MFSD11: variants seen among roughly 807,000 people sequenced by gnomAD.
The protein encoded by MFSD11 is major facilitator superfamily domain containing 11, also known as UNC93-like protein MFSD11.
Under a neutral mutation model 53.5 loss-of-function variants are expected in MFSD11, and 36 were observed. The ratio of observed to expected loss-of-function variants is 0.67; its 90% CI spans 0.52 to 0.89. MFSD11 has a LOEUF of 0.89. MFSD11 is among the 40% of genes least tolerant of loss of function. The pLI is 0.00. For synonymous variants in MFSD11, 186 were observed against 184.9 expected (o/e 1.01, Z -0.05); for missense variants, 530 against 543.9 (o/e 0.97, Z 0.25).
chr17:76,743,398 C>T lies in MFSD11; in HGVS notation c.438C>T (p.Ser146=). 1 of 1,578,418 alleles carries T rather than the reference C, an allele frequency of 6.3e-7. No individual in the cohort carries two copies. Among genetic ancestry groups the T allele is most frequent in the Non-Finnish European group, 8.6e-7 (1 of 1,163,082 alleles). ...CCTATCCTCCCTTTTCTTCCCCCAG[C>T]TTGTTCTTTGGAAATCTCTACATAT... is the stretch of plus-strand genomic sequence containing the variant. ...SGIFWALLQS[S]LFFGNLYIYF... Residue 146 remains serine, a splice_region_variant and synonymous_variant, in exon 6 of 13, where the codon AGC becomes AGT. Coordinates refer to ENST00000685175, the MANE Select transcript of MFSD11 (RefSeq NM_001242532.5).
the MFSD11 span, among the ~76,000 whole-genome samples, chr17:76,801,364 C>A: frequency 6.9e-5 from 5 of 72,240 alleles, no homozygotes; most frequent in East Asian, 1.4e-3. Context: ...GGCTCTGTCT[C>A]AAAAAAAAAA....
the MFSD11 span, among the ~76,000 whole-genome samples, chr17:76,794,249 T>G: frequency 6.6e-6 from 1 of 151,240 alleles, no homozygotes; most frequent in Non-Finnish European, 1.5e-5. Flanking sequence ...TTTGGGAGGC[T>G]GAGGTGGGTG....
intron 7 of MFSD11, among the ~76,000 whole-genome samples, chr17:76,745,626 A>G (rs1479497286): frequency 2.0e-5 from 3 of 152,158 alleles, no homozygotes; most frequent in East Asian, 1.9e-4. Context: ...AGATCCATAT[A>G]AGGTGGTGAA....
chr17:76,763,813 G>A (rs1039969203), intron 8 of MFSD11, among the ~76,000 whole-genome samples: 5 of 150,120 alleles, frequency 3.3e-5, no homozygotes, highest in East Asian at 3.9e-4. Context: ...CAACTTTATC[G>A]AGGTATAACT....
chr17:76,739,346 A>G (rs888644873), intron 2 of MFSD11, among the ~76,000 whole-genome samples: 11 of 152,342 alleles, frequency 7.2e-5, no homozygotes, highest in Admixed American at 7.2e-4. Context: ...TCCCAGTCCT[A>G]TAGAAGATGT....
intron 2 of MFSD11, among the ~76,000 whole-genome samples, chr17:76,740,324 C>G (rs903415392): frequency 6.6e-6 from 1 of 151,998 alleles, no homozygotes; most frequent in African/African-American, 2.4e-5. Context: ...ACACTTCGTA[C>G]AAGACATATG....
At chr17:76,741,172 G>C (rs2078051079) in intron 3 of MFSD11, 108 bp downstream of exon 3, 4 of 774,874 alleles carry the variant, frequency 5.2e-6, no homozygotes, top group Non-Finnish European at 8.7e-6. Context: ...TAGAATATAG[G>C]TGGTATTTTA....
At chr17:76,742,643 C>T (rs1388498585) in intron 5 of MFSD11, among the ~76,000 whole-genome samples, 1 of 152,062 alleles carries the variant, frequency 6.6e-6, no homozygotes, top group Non-Finnish European at 1.5e-5. Context: ...GCTGGGATTA[C>T]AGGCGCCCAC....
At chr17:76,754,430 C>G (rs576347309) in intron 8 of MFSD11, among the ~76,000 whole-genome samples, 1 of 152,254 alleles carries the variant, frequency 6.6e-6, no homozygotes, top group East Asian at 1.9e-4. Flanking sequence ...CGCCTGTAAT[C>G]TCAGCACTTT....
At chr17:76,750,218 C>T (rs1363999391) in intron 7 of MFSD11, among the ~76,000 whole-genome samples, 1 of 152,116 alleles carries the variant, frequency 6.6e-6, no homozygotes, top group African/African-American at 2.4e-5. Context: ...TGGAATCCTA[C>T]ATGGGATCCT....
Position 76,743,429 on chromosome 17 carries a change from G to A in MFSD11, c.469G>A (p.Ala157Thr), listed in dbSNP as rs762174347. The A allele has an allele frequency of 2.5e-6, 4 of 1,581,322 alleles. No homozygotes were observed. Among genetic ancestry groups the A allele is most frequent in the Middle Eastern group, 1.7e-4 (1 of 5,988 alleles). ...LFFGNLYIYF[A>T]WQGKTQISES... The stretch of plus-strand genomic sequence containing the variant: ...CTTTGGAAATCTCTACATATATTTT[G>A]CCTGGCAAGGGAAAACTCAGATATC... Residue 157 changes from alanine (A) to threonine (T), a missense_variant, in exon 6 of 13, where the codon GCC becomes ACC. Physicochemically the swap from Ala to Thr is moderately conservative, Grantham distance 58. Coordinates refer to ENST00000685175, the MANE Select transcript of MFSD11 (RefSeq NM_001242532.5).
intron 7 of MFSD11, among the ~76,000 whole-genome samples, chr17:76,752,657 A>G (rs1196575047): frequency 3.9e-5 from 6 of 152,158 alleles, no homozygotes; most frequent in African/African-American, 9.7e-5. Flanking sequence ...TGGCCTCCCA[A>G]AGTGCTGGGG....
At chr17:76,792,611 T>C in the MFSD11 span, among the ~76,000 whole-genome samples, 1 of 151,402 alleles carries the variant, frequency 6.6e-6, no homozygotes, top group Admixed American at 6.6e-5. Context: ...CCTAAATTTG[T>C]CCATGTCCTG....
chr17:76,782,257 C>A (rs1347169307), downstream of MFSD11, among the ~76,000 whole-genome samples: 1 of 151,858 alleles, frequency 6.6e-6, no homozygotes, highest in Non-Finnish European at 1.5e-5. Flanking sequence ...CTCACTGCAA[C>A]CTCTGCCTCC....
intron 8 of MFSD11, among the ~76,000 whole-genome samples, chr17:76,760,929 G>T (rs1003834925): frequency 2.0e-5 from 3 of 152,160 alleles, no homozygotes; most frequent in Non-Finnish European, 4.4e-5. Flanking sequence ...TTGCTGGCCG[G>T]GCGCAGTGGC....
the MFSD11 span, among the ~76,000 whole-genome samples, chr17:76,794,338 G>C: frequency 1.3e-5 from 2 of 150,646 alleles, no homozygotes; most frequent in African/African-American, 5.0e-5. Flanking sequence ...TTAGCCGGGC[G>C]TGGTGGAGCG....
At chr17:76,736,876 G>A (rs1568026625), upstream of MFSD11, 2 of 1,611,202 alleles carry the variant, frequency 1.2e-6, no homozygotes, top group Non-Finnish European at 8.5e-7. Context: ...GTGAGTCCGG[G>A]GGGCGGCCGT....
chr17:76,766,864 A>C (rs1418127787), intron 8 of MFSD11: 2 of 152,594 alleles, frequency 1.3e-5, no homozygotes, highest in East Asian at 3.8e-4. Context: ...GCAAACATTA[A>C]AGTGACTAGA....
downstream of MFSD11, among the ~76,000 whole-genome samples, chr17:76,785,292 T>C (rs1434813905): frequency 6.6e-6 from 1 of 152,174 alleles, no homozygotes; most frequent in Non-Finnish European, 1.5e-5. Context: ...AGATGTAGAA[T>C]GGTGGGCTGG....
Sources: allele counts gnomAD v4.1 joint callset (sites outside exome capture counted in the v4.1 genomes callset), GRCh38; gene constraint gnomAD v4.1.1; transcripts MANE v1.5; gene names NCBI Gene and HGNC (gene_info 2026-07-23, HGNC 2026-07-21).